Variants in TRPM3 observed in about 807,000 individuals in gnomAD.
TRPM3 encodes long transient receptor potential channel 3.
TRPM3 carries 77 observed loss-of-function variants against 181.2 expected under a neutral mutation model. The ratio of observed to expected loss-of-function variants is 0.42; its 90% CI spans 0.35 to 0.51. The LOEUF is 0.51. Ranked by LOEUF, TRPM3 falls within the 20% of genes least tolerant of loss-of-function variation. The pLI is 0.01. For missense variants in TRPM3, 1,759 were observed against 2,196.7 expected (o/e 0.80, Z 3.98); for synonymous variants, 745 against 796.4 (o/e 0.94, Z 1.09).
chr9:71,048,063 T>C (rs1343052556), intron 1 of TRPM3, among the ~76,000 whole-genome samples: 2 of 152,214 alleles, frequency 1.3e-5, no homozygotes, highest in Admixed American at 1.3e-4. Flanking sequence ...ATATATACTC[T>C]AGCATATTAC....
intron 1 of TRPM3, among the ~76,000 whole-genome samples, chr9:71,251,055 G>A (rs2082314720): frequency 6.6e-6 from 1 of 152,152 alleles, no homozygotes; most frequent in Non-Finnish European, 1.5e-5. Context: ...TGGATGAATG[G>A]ATGGATGGGA....
intron 1 of TRPM3, among the ~76,000 whole-genome samples, chr9:71,255,636 C>A (rs377342141): frequency 5.3e-5 from 8 of 152,148 alleles, no homozygotes; most frequent in African/African-American, 1.9e-4. Context: ...GGTTTAATTT[C>A]TTGAGTCTTT....
intron 1 of TRPM3, among the ~76,000 whole-genome samples, chr9:71,130,809 G>A (rs1426498125): frequency 6.6e-6 from 1 of 152,104 alleles, no homozygotes; most frequent in African/African-American, 2.4e-5. Context: ...AATAGAGAAA[G>A]AATTATAATG....
In TRPM3 at chr9:70,536,289, G is replaced by A; in HGVS notation, c.4824C>T (p.Asp1608=). The A allele has an allele frequency of 6.2e-7, 1 of 1,614,172 alleles. No homozygotes were observed. Among genetic ancestry groups the A allele is most frequent in the East Asian group, 2.2e-5 (1 of 44,870 alleles). The stretch of plus-strand genomic sequence containing the variant: ...GGCCTTTGGCCTCATTCTCCTCACT[G>A]TCAGAGCTGGGGTGACTCAGTTCTG... ...REAELSHPSS[D]SEENEAKGRR... is the part of the protein sequence containing the mutation. The change falls in exon 26 of 26, where the codon GAC becomes GAT. Residue 1608 remains aspartate, a synonymous_variant. Transcript: ENST00000677713.
At chr9:70,741,085 T>G (rs1405599910) in intron 8 of TRPM3, among the ~76,000 whole-genome samples, 1 of 152,072 alleles carries the variant, frequency 6.6e-6, no homozygotes, top group African/African-American at 2.4e-5. Context: ...ATATCCAGAA[T>G]CTACAAGAAA....
rs143762257 is a variant in TRPM3 at position 71,383,363 on chromosome 9, G to T, written c.183+63290C>A. On this transcript the variant is annotated intron_variant, in intron 1 of 24. Transcript: ENST00000357533. ...TCCTTGTTTTGTGCCCTTGTAAACT[G>T]ACCACTATGGACTGCATCTATTTGC... is the stretch of plus-strand genomic sequence containing the variant. 1.2e-4 allele frequency among the ~76,000 whole-genome samples: 18 copies of T among 152,210 alleles called. No individual in the cohort carries two copies. The East Asian group carries it at 2.3e-3, about 20-fold the overall frequency.
chr9:71,067,374 T>A (rs910424868), intron 1 of TRPM3, among the ~76,000 whole-genome samples: 1 of 152,294 alleles, frequency 6.6e-6, no homozygotes, highest in East Asian at 1.9e-4. Flanking sequence ...TCTTTTGTCA[T>A]TGAAAAACAT....
chr9:70,774,814 C>G (rs548929981), intron 7 of TRPM3: 1 of 152,190 alleles, frequency 6.6e-6, no homozygotes, highest in South Asian at 2.1e-4. Context: ...ATATGTACAT[C>G]GACTCTAAGA....
chr9:70,817,649 A>G (rs1356750218), intron 6 of TRPM3, among the ~76,000 whole-genome samples: 1 of 152,146 alleles, frequency 6.6e-6, no homozygotes, highest in Non-Finnish European at 1.5e-5. Context: ...CTCTTACTAC[A>G]TGAATACACA....
At chr9:71,439,565 G>T (rs1400196862) in intron 1 of TRPM3, among the ~76,000 whole-genome samples, 1 of 152,206 alleles carries the variant, frequency 6.6e-6, no homozygotes, top group Non-Finnish European at 1.5e-5. Context: ...TACAGTCTTA[G>T]ATCGGAAGGC....
intron 3 of TRPM3, among the ~76,000 whole-genome samples, chr9:70,860,308 C>G (rs569876661): frequency 6.6e-6 from 1 of 152,290 alleles, no homozygotes; most frequent in East Asian, 1.9e-4. Flanking sequence ...CCAGTTCTGT[C>G]TGACTTCAAG....
intron 1 of TRPM3, among the ~76,000 whole-genome samples, chr9:70,916,666 G>A (rs1164363682): frequency 1.3e-5 from 2 of 152,052 alleles, no homozygotes; most frequent in Non-Finnish European, 2.9e-5. Context: ...TTGATATATA[G>A]TTGTATAAAA....
chr9:71,189,007 G>T (rs2077850518), intron 1 of TRPM3, among the ~76,000 whole-genome samples: 1 of 151,870 alleles, frequency 6.6e-6, no homozygotes, highest in Admixed American at 6.6e-5. Flanking sequence ...GACATTGATT[G>T]TTCTCATTCC....
intron 9 of TRPM3, among the ~76,000 whole-genome samples, chr9:70,652,397 G>A (rs528509749): frequency 2.8e-4 from 43 of 152,218 alleles, no homozygotes; most frequent in African/African-American, 9.9e-4. Context: ...TCATGTAGAC[G>A]TGATATTTGA....
intron 1 of TRPM3, among the ~76,000 whole-genome samples, chr9:71,362,627 TCTC>T (rs1321525886): frequency 1.1e-4 from 17 of 152,208 alleles, no homozygotes; most frequent in Non-Finnish European, 2.4e-4. Flanking sequence ...ATCAGAATGA[TCTC>T]CTCCATTTTA....
intron 21 of TRPM3, among the ~76,000 whole-genome samples, chr9:70,597,644 A>C (rs1450325310): frequency 1.3e-5 from 2 of 152,218 alleles, no homozygotes; most frequent in Non-Finnish European, 2.9e-5. Flanking sequence ...TGTGTGGTCA[A>C]GGACTATTGG....
intron 1 of TRPM3, among the ~76,000 whole-genome samples, chr9:71,129,475 G>C (rs893441419): frequency 4.5e-4 from 69 of 152,100 alleles, no homozygotes; most frequent in African/African-American, 1.6e-3. Flanking sequence ...GTGCTAAACA[G>C]TGTTAAGCAC....
intron 1 of TRPM3, among the ~76,000 whole-genome samples, chr9:71,151,783 T>C (rs1007789620): frequency 4.6e-5 from 7 of 152,088 alleles, no homozygotes; most frequent in South Asian, 2.1e-4. Flanking sequence ...TAAAAAAGAA[T>C]AGTCAATTCT....
At chr9:71,045,351 C>T (rs962563138) in intron 1 of TRPM3, among the ~76,000 whole-genome samples, 5 of 152,026 alleles carry the variant, frequency 3.3e-5, no homozygotes, top group Admixed American at 3.3e-4. Flanking sequence ...TTATTTTCAC[C>T]TCCTTAGTAT....
Sources: allele counts gnomAD v4.1 joint callset (sites outside exome capture counted in the v4.1 genomes callset), GRCh38; gene constraint gnomAD v4.1.1; transcripts MANE v1.5; gene names NCBI Gene and HGNC (gene_info 2026-07-23, HGNC 2026-07-21).